BTRC: variants seen among roughly 807,000 people sequenced by gnomAD.
The protein encoded by BTRC is F-box/WD repeat-containing protein 1A.
Under a neutral mutation model 85.5 loss-of-function variants are expected in BTRC, and 42 were observed. The observed-to-expected ratio is 0.49, with a 90% confidence interval of 0.38 to 0.64. The LOEUF (loss-of-function observed/expected upper bound fraction) is 0.64, where lower values mean the gene tolerates loss of function less well. Among genes scored for constraint, BTRC ranks in the 30% least tolerant of loss-of-function variants. The pLI is 0.00. For missense variants in BTRC, 594 were observed against 743.5 expected (o/e 0.80, Z 2.34); for synonymous variants, 255 against 263.3 (o/e 0.97, Z 0.30).
chr10:101,371,336 GC>G (rs1942629764), intron 1 of BTRC, among the ~76,000 whole-genome samples: 1 of 152,150 alleles, frequency 6.6e-6, no homozygotes, highest in Admixed American at 6.5e-5. Flanking sequence ...GTGCCACCAT[GC>G]CAGCTAATTT....
rs1380405462 is a variant in BTRC at position 101,554,600 on chromosome 10, C to G, written c.*1477C>G. On this transcript the variant is annotated 3_prime_UTR_variant, in exon 15 of 15. Transcript: ENST00000370187. ...TGGCACACAGGGTTTATTAATGGGG[C>G]AAAAACTGCCTTTTCTTCCTCCTCC... The G allele has an allele frequency of 1.3e-5, 2 of 152,570 alleles. No homozygotes were observed. Among genetic ancestry groups the G allele is most frequent in the Non-Finnish European group, 2.9e-5 (2 of 68,030 alleles). 9.5% of individuals were successfully genotyped at this position (152,570 alleles called of 1,614,324 possible).
intron 1 of BTRC, among the ~76,000 whole-genome samples, chr10:101,395,089 C>G (rs1943331348): frequency 6.6e-6 from 1 of 152,154 alleles, no homozygotes; most frequent in Non-Finnish European, 1.5e-5. Context: ...CTAGGATCTA[C>G]TGGCTTCAGC....
chr10:101,535,286 C>A, intron 10 of BTRC, 68 bp from the exon 11 acceptor site: 9 of 1,193,952 alleles, frequency 7.5e-6, no homozygotes, highest in Non-Finnish European at 1.1e-5. Flanking sequence ...TTCTCTAAGA[C>A]TCCATTTGCC....
chr10:101,502,863 T>C (rs1946430660), intron 4 of BTRC, among the ~76,000 whole-genome samples: 1 of 152,288 alleles, frequency 6.6e-6, no homozygotes, highest in Admixed American at 6.5e-5. Context: ...CAAAGAAGAG[T>C]ATATTTAAAT....
chr10:101,388,217 A>G (rs1474064811), intron 1 of BTRC, among the ~76,000 whole-genome samples: 4 of 152,082 alleles, frequency 2.6e-5, no homozygotes, highest in Admixed American at 1.3e-4. Context: ...GCTAGAGGGT[A>G]GTGGTACAAT....
chr10:101,396,572 T>C (rs1943369636), intron 1 of BTRC, among the ~76,000 whole-genome samples: 1 of 152,046 alleles, frequency 6.6e-6, no homozygotes, highest in Non-Finnish European at 1.5e-5. Flanking sequence ...GCAAAATATG[T>C]GGTATAGAAC....
chr10:101,478,633 A>G (rs767168545), intron 3 of BTRC, among the ~76,000 whole-genome samples: 7 of 151,994 alleles, frequency 4.6e-5, no homozygotes, highest in Non-Finnish European at 1.0e-4. Flanking sequence ...TCTACAAAAA[A>G]TACAAAAAAT....
intron 2 of BTRC, among the ~76,000 whole-genome samples, chr10:101,449,997 T>TG (rs1554880114): frequency 1.2e-4 from 17 of 143,686 alleles, no homozygotes; most frequent in African/African-American, 2.1e-4. Flanking sequence ...GATAAAAATG[T>TG]AAAAAAAAAA....
intron 1 of BTRC, among the ~76,000 whole-genome samples, chr10:101,425,626 C>CTT (rs59643321): frequency 2.1e-5 from 3 of 139,750 alleles, no homozygotes; most frequent in East Asian, 2.1e-4. Flanking sequence ...TTAAAACCTG[C>CTT]TTTTTTTTTT....
chr10:101,423,218 C>G (rs1181890974), intron 1 of BTRC, among the ~76,000 whole-genome samples: 1 of 152,050 alleles, frequency 6.6e-6, no homozygotes, highest in Non-Finnish European at 1.5e-5. Flanking sequence ...CTGACCCTCT[C>G]TGGGTCTTAT....
chr10:101,441,516 T>C (rs562949516), intron 2 of BTRC, among the ~76,000 whole-genome samples: 1 of 152,364 alleles, frequency 6.6e-6, no homozygotes, highest in East Asian at 1.9e-4. Flanking sequence ...AATCTCTCCC[T>C]GATCACTACC....
intron 4 of BTRC, among the ~76,000 whole-genome samples, chr10:101,491,805 G>C (rs899850497): frequency 6.6e-6 from 1 of 152,140 alleles, no homozygotes; most frequent in Non-Finnish European, 1.5e-5. Context: ...GTGAAGACAT[G>C]ATGAGGTCAT....
intron 4 of BTRC, among the ~76,000 whole-genome samples, chr10:101,506,751 C>T (rs1946552775): frequency 6.6e-6 from 1 of 152,192 alleles, no homozygotes; most frequent in African/African-American, 2.4e-5. Context: ...AGATGAAGTG[C>T]TCTAAACAAC....
At chr10:101,550,994 A>C (rs1167255359) in intron 14 of BTRC, 103 bp downstream of exon 14, 1 of 1,069,608 alleles carries the variant, frequency 9.3e-7, no homozygotes, top group African/African-American at 1.6e-5. Flanking sequence ...TTGGGTCACC[A>C]ACTCCTGTAA....
rs1413233130 is a variant in BTRC at position 101,550,988 on chromosome 10, G to GT, written c.*31+98dup. On this transcript the variant is annotated intron_variant, in intron 14 of 14. Transcript: ENST00000370187. ...CATGGAACTTTCTCCTGCCGTTTGG[G>GT]TCACCAACTCCTGTAAAGCCGAGGA... 3 of 1,140,138 alleles carry GT rather than the reference G, an allele frequency of 2.6e-6. No individual in the cohort carries two copies. The African/African-American group carries it at 4.7e-5, about 18-fold the overall frequency. The allele number at this position is 1,140,138 out of a possible 1,614,324, so 70.6% of individuals were successfully genotyped here.
intron 13 of BTRC, among the ~76,000 whole-genome samples, chr10:101,543,790 A>G (rs1448394864): frequency 1.3e-5 from 2 of 152,100 alleles, no homozygotes; most frequent in Non-Finnish European, 2.9e-5. Context: ...AAAACACTAT[A>G]TGTTCATTTT....
At chr10:101,354,103 T>C (rs1941955819), upstream of BTRC, 1 of 1,502,402 alleles carries the variant, frequency 6.7e-7, no homozygotes, top group Non-Finnish European at 9.0e-7. Flanking sequence ...GGAGGCGGGA[T>C]CCGGGCGCTG....
intron 4 of BTRC, among the ~76,000 whole-genome samples, chr10:101,497,857 G>A (rs529278223): frequency 7.9e-5 from 12 of 151,120 alleles, no homozygotes; most frequent in South Asian, 2.1e-4. Flanking sequence ...CCATCTCTAC[G>A]AAAAACACAA....
intron 1 of BTRC, among the ~76,000 whole-genome samples, chr10:101,371,649 A>G (rs1942638905): frequency 6.6e-6 from 1 of 152,102 alleles, no homozygotes; most frequent in South Asian, 2.1e-4. Flanking sequence ...ACCACATTTT[A>G]TTTGTTGTCA....
Sources: allele counts gnomAD v4.1 joint callset (sites outside exome capture counted in the v4.1 genomes callset), GRCh38; gene constraint gnomAD v4.1.1; transcripts MANE v1.5; gene names NCBI Gene and HGNC (gene_info 2026-07-23, HGNC 2026-07-21).